PCM1: variants seen among roughly 807,000 people sequenced by gnomAD.
PCM1 encodes pericentriolar material 1, also known as pericentriolar material 1 protein.
Under a neutral mutation model 241.9 loss-of-function variants are expected in PCM1, and 157 were observed. The ratio of observed to expected loss-of-function variants is 0.65; its 90% CI spans 0.57 to 0.74. The LOEUF is 0.74. Ranked by LOEUF, PCM1 falls within the 30% of genes least tolerant of loss-of-function variation. The probability of loss-of-function intolerance (pLI) is 0.00; values close to 1 mark genes in which losing one functional copy is unlikely to be tolerated. For missense variants in PCM1, 3,478 were observed against 2,360.1 expected (o/e 1.47, Z -9.81); for synonymous variants, 1,085 against 784.9 (o/e 1.38, Z -6.39).
intron 31 of PCM1, 39 bp downstream of exon 31, chr8:18,009,783 C>T: frequency 8.3e-7 from 1 of 1,207,170 alleles, no homozygotes; most frequent in Non-Finnish European, 1.1e-6. Flanking sequence ...ATAATTGACA[C>T]ATAAATACAG....
rs565175710 is a variant in PCM1 at position 17,938,994 on chromosome 8, A to G, written c.597A>G (p.Ala199=). ...VSEEDGRGEP[A]MESSQIVSRL... Reference sequence around the variant, plus strand: ...AAGAAGATGGGAGGGGAGAACCTGCAATGGAGAGCAGCCAGGTGATAACGT... The same window carrying G: ...AAGAAGATGGGAGGGGAGAACCTGCGATGGAGAGCAGCCAGGTGATAACGT... The change falls in exon 5 of 39, where the codon GCA becomes GCG. Residue 199 remains alanine, a synonymous_variant. Transcript: ENST00000325083. The G allele has an allele frequency of 2.5e-6, 4 of 1,613,526 alleles. No individual in the cohort carries two copies. Among genetic ancestry groups the G allele is most frequent in the Non-Finnish European group, 3.4e-6 (4 of 1,179,596 alleles).
chr8:17,995,637 T>A (rs1017158016), intron 29 of PCM1, among the ~76,000 whole-genome samples: 2 of 151,504 alleles, frequency 1.3e-5, no homozygotes, highest in African/African-American at 4.9e-5. Context: ...TTGTATTGAA[T>A]CTGTAGATTG....
chr8:17,974,057 T>A (rs2077790836), intron 23 of PCM1, among the ~76,000 whole-genome samples: 1 of 152,200 alleles, frequency 6.6e-6, no homozygotes, highest in African/African-American at 2.4e-5. Flanking sequence ...GACGGATGGT[T>A]TAAAAAGCAA....
intron 22 of PCM1, among the ~76,000 whole-genome samples, chr8:17,972,058 C>T (rs1587394181): frequency 6.6e-6 from 1 of 152,106 alleles, no homozygotes; most frequent in Non-Finnish European, 1.5e-5. Flanking sequence ...TTTTTCTTTC[C>T]CACTGTTTTC....
rs1489456898 is a variant in PCM1 at position 17,940,711 on chromosome 8, G to GT, written c.783+851dup. ...ACTTATTCACAATGAGAAAAATGCTGTAATTGCTGACTTGGCAAAATGGAA... is the reference window on the plus strand; with the variant it reads ...ACTTATTCACAATGAGAAAAATGCTGTTAATTGCTGACTTGGCAAAATGGAA... On this transcript the variant is annotated intron_variant, in intron 6 of 38. Transcript: ENST00000325083. 7.2e-5 allele frequency among the ~76,000 whole-genome samples: 11 copies of GT among 152,310 alleles called. No homozygotes were observed. The East Asian group carries it at 1.9e-3, about 27-fold the overall frequency.
intron 21 of PCM1, 132 bp downstream of exon 21, chr8:17,967,302 ACT>A (rs1290123520): frequency 8.3e-6 from 5 of 599,224 alleles, no homozygotes; most frequent in Admixed American, 3.8e-5. Flanking sequence ...AAAGTTACAA[ACT>A]CTTTTTTTTT....
intron 16 of PCM1, 34 bp downstream of exon 16, chr8:17,962,208 A>G: frequency 3.2e-6 from 5 of 1,553,710 alleles, no homozygotes; most frequent in Non-Finnish European, 4.4e-6. Context: ...TTCCTGAGTT[A>G]GTCTTTTGTT....
chr8:17,947,118 A>G (rs767307632), intron 6 of PCM1, 68 bp from the exon 7 acceptor site: 67 of 923,404 alleles, frequency 7.3e-5, no homozygotes, highest in Non-Finnish European at 1.8e-5. Context: ...ATACTTTGCC[A>G]TTGATAATTG....
Position 17,972,314 on chromosome 8 carries a change from G to A in PCM1, c.3585-15G>A. 7.0e-7 allele frequency: 1 copy of A among 1,419,306 alleles called. No individual in the cohort carries two copies. The highest frequency in any genetic ancestry group is 9.4e-7 in the Non-Finnish European group (1 of 1,068,660). 87.9% of individuals were successfully genotyped at this position (1,419,306 alleles called of 1,614,324 possible). A position where few individuals can be genotyped will look rare whatever the true frequency, so the allele number is the denominator to read the frequency against. ...TATAGTTGTTAACTTATAAAAACTT[G>A]TTTTCATTGGTAAGGAATAAAAAAC... On this transcript the variant is annotated splice_polypyrimidine_tract_variant and intron_variant, in intron 22 of 38. Coordinates refer to ENST00000325083, the MANE Select transcript of PCM1 (RefSeq NM_006197.4).
At chr8:18,009,887 A>C (rs1260023789) in intron 31 of PCM1, 143 bp downstream of exon 31, 2 of 490,458 alleles carry the variant, frequency 4.1e-6, no homozygotes, top group Non-Finnish European at 6.9e-6. Flanking sequence ...AAGTCATTAC[A>C]TATGCTAGTC....
At chr8:17,927,937 G>A (rs1356918756) in intron 2 of PCM1, 30 of 113,754 alleles carry the variant, frequency 2.6e-4, no homozygotes, top group Non-Finnish European at 1.2e-4. Context: ...TTGTGTCTTT[G>A]TAAAAAAAAA....
At position 17,939,783 on chromosome 8, in the gene PCM1, T is replaced by C; in HGVS notation, c.705T>C (p.Asn235=). Residue 235 remains asparagine (N), a synonymous_variant, in exon 6 of 39, where the codon AAT becomes AAC. Transcript: ENST00000325083. ...DLVEKNERSA[N]VERLTHLIDH... ...TAGAGAAAAATGAGAGATCTGCTAATGTTGAGCGCCTTACTCATCTAATAG... is the reference window on the plus strand; with the variant it reads ...TAGAGAAAAATGAGAGATCTGCTAACGTTGAGCGCCTTACTCATCTAATAG... The C allele has an allele frequency of 6.5e-7, 1 of 1,547,412 alleles. No individual in the cohort carries two copies. The highest frequency in any genetic ancestry group is 8.8e-7 in the Non-Finnish European group (1 of 1,138,462).
At position 17,993,485 on chromosome 8, in the gene PCM1, A is replaced by T. The variant is rs778093533; in HGVS notation, c.4693A>T (p.Thr1565Ser). ...AGTTVNNLEE[T>S]PVIENRSSQQ... Reference sequence around the variant, plus strand: ...TGTATTTTCTTTTTAAAAATTAGAAACTCCCGTTATTGAAAATCGTAGTTC... The same window carrying T: ...TGTATTTTCTTTTTAAAAATTAGAATCTCCCGTTATTGAAAATCGTAGTTC... Residue 1565 changes from threonine to serine, a missense_variant and splice_region_variant, in exon 29 of 39, where the codon ACT becomes TCT. By Grantham distance (58) the Thr-to-Ser change is moderately conservative. Coordinates refer to ENST00000325083, the MANE Select transcript of PCM1 (RefSeq NM_006197.4). 1.5e-5 allele frequency: 24 copies of T among 1,553,614 alleles called. No individual in the cohort carries two copies. The highest frequency in any genetic ancestry group is 1.4e-4 in the Admixed American group (7 of 49,612).
intron 38 of PCM1, among the ~76,000 whole-genome samples, chr8:18,027,146 A>G (rs562893715): frequency 6.6e-6 from 1 of 152,278 alleles, no homozygotes; most frequent in African/African-American, 2.4e-5. Context: ...AGTTGAGGAG[A>G]AGGAAAGACC....
chr8:17,962,865 T>G (rs542313260), intron 16 of PCM1: 98 of 356,270 alleles, frequency 2.8e-4, no homozygotes, highest in Middle Eastern at 8.5e-4. Context: ...ATCACACCAC[T>G]GCACTCCAGC....
At position 17,986,224 on chromosome 8, in the gene PCM1, GTTATT is replaced by G. The variant is rs2082543223; in HGVS notation, c.4410+145_4410+149del. The G allele has an allele frequency of 5.5e-5, 31 of 565,838 alleles. No individual in the cohort carries two copies. In the East Asian group the frequency reaches 9.8e-4, roughly 18 times the overall value. The allele number at this position is 565,838 out of a possible 1,614,324, so 35.1% of individuals were successfully genotyped here. The stretch of plus-strand genomic sequence containing the variant: ...TTTTTTTAAAACTTGGGTATAATGT[GTTATT>G]TTATTTTGAGGGCGAGATATAATAT... On this transcript the variant is annotated intron_variant, in intron 26 of 38. Coordinates refer to ENST00000325083, the MANE Select transcript of PCM1 (RefSeq NM_006197.4).
At chr8:17,958,697 C>T (rs551585884) in intron 13 of PCM1, among the ~76,000 whole-genome samples, 10 of 150,452 alleles carry the variant, frequency 6.6e-5, no homozygotes, top group Non-Finnish European at 1.2e-4. Flanking sequence ...AGCGTGCTCT[C>T]TCGGTTCAAA....
At chr8:17,951,756 C>T (rs1316011652) in intron 8 of PCM1, among the ~76,000 whole-genome samples, 1 of 151,994 alleles carries the variant, frequency 6.6e-6, no homozygotes, top group African/African-American at 2.4e-5. Context: ...TGGGTAATGA[C>T]ATTGGAAAGG....
At chr8:17,960,484 G>A (rs994361926) in intron 15 of PCM1, 40 bp downstream of exon 15, 1 of 1,460,222 alleles carries the variant, frequency 6.8e-7, no homozygotes, top group Non-Finnish European at 9.2e-7. Context: ...GAAAAAAGAT[G>A]TTTAAAACCT....
Sources: allele counts gnomAD v4.1 joint callset (sites outside exome capture counted in the v4.1 genomes callset), GRCh38; gene constraint gnomAD v4.1.1; transcripts MANE v1.5; gene names NCBI Gene and HGNC (gene_info 2026-07-23, HGNC 2026-07-21).